The following SHANK2 variants were observed in gnomAD, a reference collection of about 807,000 sequenced individuals.
The protein encoded by SHANK2 is SH3 and multiple ankyrin repeat domains protein 2.
SHANK2 carries 43 observed loss-of-function variants against 133.7 expected under a neutral mutation model. The ratio of observed to expected loss-of-function variants is 0.32; its 90% CI spans 0.25 to 0.41. SHANK2 has a LOEUF of 0.41. Ranked by LOEUF, SHANK2 falls within the 10% of genes least tolerant of loss-of-function variation. The probability of loss-of-function intolerance (pLI) is 1.00; values close to 1 mark genes in which losing one functional copy is unlikely to be tolerated. For missense variants in SHANK2, 1,994 were observed against 2,235.8 expected (o/e 0.89, Z 2.18); for synonymous variants, 1,017 against 952.8 (o/e 1.07, Z -1.24).
At chr11:70,746,012 C>T (rs1294666127) in intron 14 of SHANK2, among the ~76,000 whole-genome samples, 2 of 152,226 alleles carry the variant, frequency 1.3e-5, no homozygotes, top group Admixed American at 6.5e-5. Flanking sequence ...CTCCAGCCTC[C>T]AGCCAACCCA....
intron 6 of SHANK2, among the ~76,000 whole-genome samples, chr11:71,109,377 G>A (rs1383582834): frequency 6.6e-6 from 1 of 152,188 alleles, no homozygotes; most frequent in Non-Finnish European, 1.5e-5. Flanking sequence ...GAGTGGAGGC[G>A]GGTACTGCCA....
At chr11:70,652,850 G>A (rs559864142) in intron 17 of SHANK2, among the ~76,000 whole-genome samples, 10 of 152,238 alleles carry the variant, frequency 6.6e-5, no homozygotes, top group East Asian at 3.9e-4. Context: ...TGTGCTCAGC[G>A]CCTCTGACCA....
At chr11:70,906,362 C>A (rs2135706679) in intron 10 of SHANK2, among the ~76,000 whole-genome samples, 1 of 152,292 alleles carries the variant, frequency 6.6e-6, no homozygotes, top group East Asian at 1.9e-4. Flanking sequence ...CTGCAGTGCC[C>A]ACAGTGTGAC....
Position 70,473,265 on chromosome 11 carries a change from G to T in SHANK2, c.5154C>A (p.Asn1718Lys), listed in dbSNP as rs782280834. 1 of 1,612,458 alleles carries T rather than the reference G, an allele frequency of 6.2e-7. No individual in the cohort carries two copies. Among genetic ancestry groups the T allele is most frequent in the South Asian group, 1.1e-5 (1 of 91,068 alleles). ...PSPVVSPTEM[N>K]KETLPAPLSA... ...ACAGGGGGGCGGGCAGGGTCTCTTT[G>T]TTCATCTCTGTTGGCGAGACCACAG... Residue 1718 changes from asparagine (N) to lysine (K), a missense_variant, in exon 26 of 26, where the codon AAC becomes AAA. Asn to Lys is a moderately conservative substitution (Grantham distance 94). Around this residue, in one of 5 missense-constraint regions of SHANK2, gnomAD observed 797 missense variants for 907.4 expected, o/e 0.88. Transcript: ENST00000601538. The surrounding 1 kb of genome is among the most constrained non-coding windows in gnomAD (Gnocchi z 5.9).
At chr11:71,086,557 A>G (rs1182537384) in intron 8 of SHANK2, among the ~76,000 whole-genome samples, 1 of 144,244 alleles carries the variant, frequency 6.9e-6, no homozygotes, top group Non-Finnish European at 1.5e-5. Context: ...ATATATAATA[A>G]TATATATATC....
At chr11:70,606,173 C>G (rs2060574245) in intron 17 of SHANK2, among the ~76,000 whole-genome samples, 3 of 152,242 alleles carry the variant, frequency 2.0e-5, no homozygotes, top group South Asian at 4.2e-4. Context: ...TCAGCCCAAC[C>G]CATGTCTGGA....
chr11:70,922,171 T>A (rs1252179641), intron 10 of SHANK2, among the ~76,000 whole-genome samples: 5 of 152,150 alleles, frequency 3.3e-5, no homozygotes, highest in African/African-American at 1.2e-4. Context: ...AAGATCGGAT[T>A]ACATGTAGGA....
chr11:70,593,072 T>C lies in SHANK2; in HGVS notation c.2061+66756A>G, dbSNP rs148903208. On this transcript the variant is annotated intron_variant, in intron 17 of 25. Coordinates refer to ENST00000601538, the MANE Select transcript of SHANK2 (RefSeq NM_012309.5). Reference sequence around the variant, plus strand: ...TTCCCACGTCTGTCTGGCCCCATAGTTCGGGGAAGGCCTGTGGCTGCCCCT... The same window carrying C: ...TTCCCACGTCTGTCTGGCCCCATAGCTCGGGGAAGGCCTGTGGCTGCCCCT... Among the ~76,000 whole-genome samples the C allele has an allele frequency of 5.4e-3, 824 of 152,310 alleles. 3 individuals carry two copies. Among genetic ancestry groups the C allele is most frequent in the Non-Finnish European group, 9.5e-3 (648 of 68,024 alleles).
At chr11:70,905,691 G>A (rs574779848) in intron 10 of SHANK2, among the ~76,000 whole-genome samples, 71 of 152,296 alleles carry the variant, frequency 4.7e-4, no homozygotes, top group African/African-American at 1.7e-3. Context: ...CCACCATCCA[G>A]GAAGTGGGCC....
At chr11:70,640,664 A>T (rs1385651917) in intron 17 of SHANK2, among the ~76,000 whole-genome samples, 1 of 152,188 alleles carries the variant, frequency 6.6e-6, no homozygotes, top group Non-Finnish European at 1.5e-5. Flanking sequence ...CGAGCAGGGG[A>T]GGGCTGGGGT....
chr11:70,933,345 T>C (rs1481358859), intron 10 of SHANK2: 2 of 454,572 alleles, frequency 4.4e-6, no homozygotes, highest in African/African-American at 2.0e-5. Context: ...AGTAGAATGA[T>C]AGTTACCAGA....
chr11:71,087,674 G>A (rs1396116558), intron 8 of SHANK2, among the ~76,000 whole-genome samples: 1 of 152,146 alleles, frequency 6.6e-6, no homozygotes, highest in African/African-American at 2.4e-5. Flanking sequence ...TATTGTCCAG[G>A]CTGAAGTGCA....
chr11:71,227,479 A>G (rs558737242), intron 1 of SHANK2, among the ~76,000 whole-genome samples: 156 of 152,290 alleles, frequency 1.0e-3, no homozygotes, highest in African/African-American at 3.3e-3. Context: ...CAAAGAGAAC[A>G]TTACATAATG....
At chr11:70,781,156 C>T (rs553325556) in intron 14 of SHANK2, among the ~76,000 whole-genome samples, 14 of 150,636 alleles carry the variant, frequency 9.3e-5, no homozygotes, top group East Asian at 5.9e-4. Flanking sequence ...GACCCCGGAC[C>T]GGTTGCCGTG....
intron 15 of SHANK2, chr11:70,662,345 C>G (rs905759169): frequency 5.5e-4 from 90 of 162,756 alleles, no homozygotes; most frequent in African/African-American, 2.0e-3. Context: ...AATCATCTGA[C>G]GAGCCCACAG....
At chr11:70,722,211 C>G (rs1047399880) in intron 14 of SHANK2, among the ~76,000 whole-genome samples, 9 of 152,362 alleles carry the variant, frequency 5.9e-5, no homozygotes, top group Admixed American at 5.2e-4. Context: ...ACTGCATTTC[C>G]CACTCTCTTG....
intron 3 of SHANK2, among the ~76,000 whole-genome samples, chr11:71,135,859 C>T (rs1464731834): frequency 6.6e-6 from 1 of 152,100 alleles, no homozygotes; most frequent in African/African-American, 2.4e-5. Context: ...CAAGGCCTCA[C>T]CTAGAGAACT....
chr11:70,744,087 A>T (rs946998708), intron 14 of SHANK2, among the ~76,000 whole-genome samples: 2 of 152,178 alleles, frequency 1.3e-5, no homozygotes, highest in African/African-American at 2.4e-5. Context: ...CTGAGCTGCC[A>T]CCAATGTGTG....
At chr11:70,781,571 T>TATATATATATATATAC (rs1555045188) in intron 14 of SHANK2, among the ~76,000 whole-genome samples, 1 of 118,036 alleles carries the variant, frequency 8.5e-6, no homozygotes, top group Non-Finnish European at 1.8e-5. Context: ...TATATATATA[T>TATATATATATATATAC]ATATATATAT....
Sources: gnomAD v4.1 joint callset for allele counts (sites outside exome capture counted in the v4.1 genomes callset) on GRCh38, gnomAD v4.1.1 for gene constraint, gnomAD v4.1.1 regional missense constraint, Gnocchi (gnomAD v3.1) non-coding constraint, MANE v1.5 for transcripts, NCBI Gene and HGNC (gene_info 2026-07-23, HGNC 2026-07-21) for gene names.